Variants in LMF1 observed in about 807,000 individuals in gnomAD.
LMF1 encodes transmembrane protein 112.
Under a neutral mutation model 60.6 loss-of-function variants are expected in LMF1, and 68 were observed. That is an observed-to-expected ratio of 1.12 (90% CI 0.92 to 1.37). LMF1 has a LOEUF of 1.37. LMF1 is among the 40% of genes most tolerant of loss of function. LMF1 has a pLI of 0.00. For missense variants in LMF1, 948 were observed against 767.2 expected, an observed-to-expected ratio of 1.24 and a Z score of -2.78; for synonymous variants, 418 against 324.7, an observed-to-expected ratio of 1.29 and a Z score of -3.09.
intron 10 of LMF1, among the ~76,000 whole-genome samples, chr16:867,219 CTTTTCACACTTGG>C (rs1382356455): frequency 1.3e-5 from 2 of 152,224 alleles, no homozygotes; most frequent in African/African-American, 2.4e-5. Flanking sequence ...ATAGTTACTG[CTTTTCACACTTGG>C]TTTTCACAGT....
chr16:859,047 G>A (rs1305142638), intron 10 of LMF1, among the ~76,000 whole-genome samples: 1 of 104,840 alleles, frequency 9.5e-6, no homozygotes. Flanking sequence ...GTGATGTCAC[G>A]GGACGGGTGT....
intron 3 of LMF1, among the ~76,000 whole-genome samples, chr16:928,447 A>G (rs1346829738): frequency 2.6e-5 from 4 of 152,028 alleles, no homozygotes; most frequent in Admixed American, 6.6e-5. Context: ...GGCCTGTCCA[A>G]CTCTCCCCTG....
chr16:858,716 T>A (rs367898625), intron 10 of LMF1, among the ~76,000 whole-genome samples: 41 of 54,754 alleles, frequency 7.5e-4, no homozygotes, highest in Admixed American at 2.1e-3. Context: ...GAGTGGTGTC[T>A]CGGGACGGGT....
intron 6 of LMF1, among the ~76,000 whole-genome samples, chr16:875,737 G>A (rs2151708179): frequency 6.6e-6 from 1 of 152,262 alleles, no homozygotes; most frequent in Non-Finnish European, 1.5e-5. Context: ...GGTGCCCTTG[G>A]ACCGGCCTCG....
At chr16:955,314 G>C (rs541065545) in intron 1 of LMF1, among the ~76,000 whole-genome samples, 5 of 137,342 alleles carry the variant, frequency 3.6e-5, no homozygotes, top group African/African-American at 1.4e-4. Flanking sequence ...CAGCAGACGC[G>C]GTGTGTGCAT....
At chr16:947,527 T>A in intron 2 of LMF1, 1 of 456,022 alleles carries the variant, frequency 2.2e-6, no homozygotes, top group South Asian at 1.5e-5. Context: ...CAGTACTCTT[T>A]GAAGTGGAGC....
intron 1 of LMF1, among the ~76,000 whole-genome samples, chr16:965,342 T>C (rs890564298): frequency 1.3e-5 from 2 of 152,076 alleles, no homozygotes; most frequent in South Asian, 2.1e-4. Flanking sequence ...TTGGAACACA[T>C]GGGCAGATTG....
At position 878,057 on chromosome 16, in the gene LMF1, G is replaced by A. The variant is rs945321377; in HGVS notation, c.897+1513C>T. ...ACATGGGGTCTGGCTACACGGAACC[G>A]ACTGAAGCTATTCCAGGAGCCCCCA... On this transcript the variant is annotated intron_variant, in intron 6 of 10. Coordinates refer to ENST00000262301, the MANE Select transcript of LMF1 (RefSeq NM_022773.4). This position sits in a 1 kb window ranked among gnomAD's most constrained non-coding sequence, Gnocchi z 5.2. 2.0e-5 allele frequency among the ~76,000 whole-genome samples: 3 copies of A among 151,434 alleles called. No homozygotes were observed. Among genetic ancestry groups the A allele is most frequent in the African/African-American group, 7.3e-5 (3 of 41,090 alleles).
chr16:892,211 G>A (rs1034177966), intron 5 of LMF1, among the ~76,000 whole-genome samples: 9 of 152,202 alleles, frequency 5.9e-5, no homozygotes, highest in Admixed American at 5.9e-4. Flanking sequence ...GCCATCACTG[G>A]CTGTCGGCAG....
At chr16:969,252 T>G (rs998169170) in intron 1 of LMF1, among the ~76,000 whole-genome samples, 1 of 151,772 alleles carries the variant, frequency 6.6e-6, no homozygotes, top group African/African-American at 2.4e-5. Flanking sequence ...GAGACGGAGG[T>G]TGCAGTGGGC....
chr16:970,047 G>C (rs905034481), intron 1 of LMF1, among the ~76,000 whole-genome samples: 9 of 152,148 alleles, frequency 5.9e-5, no homozygotes, highest in Admixed American at 1.3e-4. Flanking sequence ...CAGTGGACCC[G>C]GCCAACCACA....
In LMF1 at chr16:954,021, ACC is replaced by A. The variant is rs1369977551; in HGVS notation, c.503+334_503+335del. 2.5e-5 allele frequency among the ~76,000 whole-genome samples: 3 copies of A among 117,974 alleles called. 1 individual carries two copies. The highest frequency in any genetic ancestry group is 9.6e-5 in the African/African-American group (3 of 31,218). The allele number at this position is 117,974 out of a possible 152,430, so 77.4% of individuals were successfully genotyped here. A position where few individuals can be genotyped will look rare whatever the true frequency, so the allele number is the denominator to read the frequency against. ...CAGCCTCCTACACGTCCACACAGACACCCACCCCAAACCAGCCTCCTACACGT... is the reference window on the plus strand; with the variant it reads ...CAGCCTCCTACACGTCCACACAGACACACCCCAAACCAGCCTCCTACACGT... On this transcript the variant is annotated intron_variant, in intron 2 of 10. Transcript: ENST00000262301.
chr16:883,947 T>A (rs1401900189), intron 5 of LMF1: 2 of 152,252 alleles, frequency 1.3e-5, no homozygotes, highest in African/African-American at 4.8e-5. Context: ...TTATTTTCTA[T>A]CTACCTGCTT....
intron 3 of LMF1, among the ~76,000 whole-genome samples, chr16:917,443 G>A (rs1043425287): frequency 6.9e-6 from 1 of 145,856 alleles, no homozygotes; most frequent in African/African-American, 2.6e-5. Flanking sequence ...GCGGGCGGGC[G>A]CAGGCCCACG....
At chr16:918,428 C>T (rs9930775) in intron 3 of LMF1, among the ~76,000 whole-genome samples, 11,707 of 152,260 alleles carry the variant, frequency 0.077, 689 homozygotes, top group African/African-American at 0.16. Context: ...AAATGCTTCC[C>T]GTCCACGGAA....
chr16:891,611 G>A (rs902780957), intron 5 of LMF1, among the ~76,000 whole-genome samples: 2 of 144,306 alleles, frequency 1.4e-5, no homozygotes, highest in Non-Finnish European at 3.0e-5. Flanking sequence ...TGTCCTGAGA[G>A]CATCTGGAGA....
chr16:934,349 C>G, intron 2 of LMF1, 95 bp from the exon 3 acceptor site: 1 of 1,509,844 alleles, frequency 6.6e-7, no homozygotes, highest in Non-Finnish European at 9.1e-7. Flanking sequence ...CCCTGGCACC[C>G]AGCACGGTGT....
chr16:941,636 C>A (rs1163442740), intron 2 of LMF1, among the ~76,000 whole-genome samples: 1 of 152,150 alleles, frequency 6.6e-6, no homozygotes, highest in South Asian at 2.1e-4. Flanking sequence ...GGTTTTTCGT[C>A]CTGTTCCTCT....
chr16:911,124 C>A, intron 3 of LMF1, 45 bp from the exon 4 acceptor site: 2 of 1,584,304 alleles, frequency 1.3e-6, no homozygotes, highest in Non-Finnish European at 1.7e-6. Flanking sequence ...GGAAGCCACA[C>A]ATTTCACAAA....
Sources: allele counts gnomAD v4.1 joint callset (sites outside exome capture counted in the v4.1 genomes callset), GRCh38; gene constraint gnomAD v4.1.1; non-coding constraint Gnocchi (gnomAD v3.1); transcripts MANE v1.5; gene names NCBI Gene and HGNC (gene_info 2026-07-23, HGNC 2026-07-21).